Variants in CYBRD1 observed in about 807,000 individuals in gnomAD.
The protein encoded by CYBRD1 is cytochrome b reductase 1.
CYBRD1 carries 14 observed loss-of-function variants against 21.9 expected under a neutral mutation model. The observed-to-expected ratio is 0.64, with a 90% CI of 0.42 to 1.00. CYBRD1 has a LOEUF of 1.00. Ranked by LOEUF, CYBRD1 falls within the 50% of genes least tolerant of loss-of-function variation. CYBRD1 has a pLI of 0.00. For missense variants in CYBRD1, 328 were observed against 352.5 expected (o/e 0.93, Z 0.56); for synonymous variants, 146 against 136.5 (o/e 1.07, Z -0.48).
intron 2 of CYBRD1, among the ~76,000 whole-genome samples, chr2:171,549,844 G>T (rs1697773224): frequency 6.6e-6 from 1 of 152,256 alleles, no homozygotes; most frequent in African/African-American, 2.4e-5. Flanking sequence ...GGGGCACTTT[G>T]TTTGCATATA....
At position 171,554,575 on chromosome 2, in the gene CYBRD1, G is replaced by C. The variant is rs766826566; in HGVS notation, c.609G>C (p.Thr203=). Residue 203 remains threonine (T), a synonymous_variant, in exon 4 of 4, where the codon ACG becomes ACC. Transcript: ENST00000321348. ...CGCCAGAAGGTGTTTTCGTAAATAC[G>C]CTTGGCCTTCTGATCCTGGTGTTCG... is the stretch of plus-strand genomic sequence containing the variant. ...TFPPEGVFVN[T]LGLLILVFGA... 1.9e-6 allele frequency: 3 copies of C among 1,613,892 alleles called. No individual in the cohort carries two copies. The highest frequency in any genetic ancestry group is 2.5e-6 in the Non-Finnish European group (3 of 1,179,904).
intron 1 of CYBRD1, among the ~76,000 whole-genome samples, chr2:171,537,917 CT>C (rs1460827037): frequency 6.6e-6 from 1 of 152,168 alleles, no homozygotes; most frequent in African/African-American, 2.4e-5. Context: ...GATCTGATCA[CT>C]ATACATTGTA....
intron 1 of CYBRD1, among the ~76,000 whole-genome samples, chr2:171,523,909 A>G (rs1189908564): frequency 1.3e-5 from 2 of 152,220 alleles, no homozygotes; most frequent in South Asian, 2.1e-4. Context: ...CGAGAGGAGT[A>G]GCAAGGGTTT....
Position 171,556,789 on chromosome 2 carries a change from G to T in CYBRD1, c.*1962G>T, listed in dbSNP as rs987783022. 11 of 152,200 alleles carry T rather than the reference G, an allele frequency of 7.2e-5. No individual in the cohort carries two copies. Among genetic ancestry groups the T allele is most frequent in the African/African-American group, 2.4e-4 (10 of 41,438 alleles). 9.4% of individuals were successfully genotyped at this position (152,200 alleles called of 1,614,324 possible). On this transcript the variant is annotated 3_prime_UTR_variant, in exon 4 of 4. Coordinates refer to ENST00000321348, the MANE Select transcript of CYBRD1 (RefSeq NM_024843.4). ...CACAATTAAATTCAGTATGGGTGGA[G>T]CATGGTACAGTCTTGGTGCCATAGA...
intron 1 of CYBRD1, chr2:171,523,306 G>T: frequency 2.4e-6 from 1 of 419,912 alleles, no homozygotes; most frequent in African/African-American, 2.1e-5. Context: ...AACATCCTCG[G>T]CCCTGGGTAA....
At position 171,522,630 on chromosome 2, in the gene CYBRD1, G is replaced by T. The variant is rs779171072; in HGVS notation, c.85G>T (p.Val29Phe). The T allele has an allele frequency of 2.4e-5, 39 of 1,613,262 alleles. No homozygotes were observed. Among genetic ancestry groups the T allele is most frequent in the Non-Finnish European group, 3.2e-5 (38 of 1,179,912 alleles). ...VGFLSVIFALVWVLHYREGLG... is the reference protein window; with the variant it reads ...VGFLSVIFALFWVLHYREGLG... ...CTTCCTGTCGGTGATCTTCGCCCTC[G>T]TCTGGGTCCTCCACTACCGAGAGGG... Residue 29 changes from valine (V) to phenylalanine (F), a missense_variant, in exon 1 of 4, where the codon GTC (valine) becomes TTC (phenylalanine). Transcript: ENST00000321348. This position sits in a 1 kb window ranked among gnomAD's most constrained non-coding sequence, Gnocchi z 4.3.
At chr2:171,531,486 C>G (rs1464800289) in intron 1 of CYBRD1, among the ~76,000 whole-genome samples, 1 of 152,048 alleles carries the variant, frequency 6.6e-6, no homozygotes, top group Non-Finnish European at 1.5e-5. Context: ...CTTGCTCTGT[C>G]AGCCAGGCTG....
chr2:171,530,884 G>A (rs1697454750), intron 1 of CYBRD1, among the ~76,000 whole-genome samples: 1 of 151,974 alleles, frequency 6.6e-6, no homozygotes, highest in African/African-American at 2.4e-5. Context: ...TCCTTTTTAA[G>A]AAAGATAGAG....
rs776216750 is a variant in CYBRD1, at chr2:171,522,674, C to G, written c.129C>G (p.Ser43Arg). ...GAGAGGGGCTTGGCTGGGATGGGAG[C>G]GCACTAGAGTTTAACTGGCACCCAG... The part of the protein sequence containing the change: ...HYREGLGWDG[S>R]ALEFNWHPVL... The change falls in exon 1 of 4, where the codon AGC becomes AGG. Residue 43 changes from serine to arginine, a missense_variant. Transcript: ENST00000321348. This position sits in a 1 kb window ranked among gnomAD's most constrained non-coding sequence, Gnocchi z 4.3. 6.2e-7 allele frequency: 1 copy of G among 1,613,284 alleles called. No individual in the cohort carries two copies.
At chr2:171,549,692 T>A (rs1364962345) in intron 2 of CYBRD1, among the ~76,000 whole-genome samples, 1 of 152,260 alleles carries the variant, frequency 6.6e-6, no homozygotes, top group Non-Finnish European at 1.5e-5. Context: ...GATATTTAAT[T>A]TTTAAACATA....
In CYBRD1 at chr2:171,522,645, TA is replaced by T; in HGVS notation, c.101del (p.Tyr34SerfsTer12). On this transcript the variant is annotated frameshift_variant, in exon 1 of 4. Transcript: ENST00000321348. LOFTEE classifies it high-confidence loss of function. This position sits in a 1 kb window ranked among gnomAD's most constrained non-coding sequence, Gnocchi z 4.3. ...VIFALVWVLH[Y>X]REGLGWDGSA... ...CTTCGCCCTCGTCTGGGTCCTCCAC[TA>T]CCGAGAGGGGCTTGGCTGGGATGGG... The T allele has an allele frequency of 6.2e-7, 1 of 1,613,344 alleles. No homozygotes were observed. Among genetic ancestry groups the T allele is most frequent in the East Asian group, 2.2e-5 (1 of 44,858 alleles).
Position 171,529,269 on chromosome 2 carries a change from T to C in CYBRD1, c.193+6531T>C, listed in dbSNP as rs113056488. On this transcript the variant is annotated intron_variant, in intron 1 of 3. Transcript: ENST00000321348. The stretch of plus-strand genomic sequence containing the variant: ...AACTGCTGCCAGGGGCGGTGGCTCA[T>C]GCCTGTAATCCCAGCACTTTGGGAG... Among the ~76,000 whole-genome samples the C allele has an allele frequency of 4.7e-3, 713 of 152,206 alleles. 14 individuals carry two copies. The highest frequency in any genetic ancestry group is 0.015 in the African/African-American group (634 of 41,536).
At chr2:171,547,396 T>C (rs1007399993) in intron 2 of CYBRD1, among the ~76,000 whole-genome samples, 5 of 150,156 alleles carry the variant, frequency 3.3e-5, no homozygotes, top group East Asian at 3.9e-4. Flanking sequence ...AGGGTGACAA[T>C]TGGACAGGGG....
intron 3 of CYBRD1, 109 bp from the exon 4 acceptor site, chr2:171,554,415 G>A: frequency 9.5e-7 from 1 of 1,053,178 alleles, no homozygotes; most frequent in South Asian, 1.6e-5. Context: ...AGCTTTGAGA[G>A]TTTACATTGA....
intron 3 of CYBRD1, among the ~76,000 whole-genome samples, chr2:171,554,027 C>G (rs1683437983): frequency 6.6e-6 from 1 of 152,206 alleles, no homozygotes; most frequent in Non-Finnish European, 1.5e-5. Flanking sequence ...CAAATAGCCC[C>G]TAGAGGTTTC....
chr2:171,543,665 TATTG>T (rs1007631409), intron 2 of CYBRD1, among the ~76,000 whole-genome samples: 3 of 151,600 alleles, frequency 2.0e-5, no homozygotes, highest in East Asian at 1.9e-4. Flanking sequence ...GATGTTTAAA[TATTG>T]ATTAATTAAA....
chr2:171,536,773 T>C lies in CYBRD1; in HGVS notation c.194-4812T>C, dbSNP rs923379571. On this transcript the variant is annotated intron_variant, in intron 1 of 3. Transcript: ENST00000321348. ...TAATATCAGAGATGAGTTTTTATTT[T>C]GGGAATTTTTGATATAATATGATCC... Among the ~76,000 whole-genome samples the C allele has an allele frequency of 3.9e-5, 6 of 152,324 alleles. No homozygotes were observed. In the East Asian group the frequency reaches 1.2e-3, roughly 29 times the overall value.
chr2:171,529,240 G>A (rs774687427), intron 1 of CYBRD1, among the ~76,000 whole-genome samples: 3 of 151,914 alleles, frequency 2.0e-5, no homozygotes, highest in Admixed American at 2.0e-4. Flanking sequence ...ATTCAGACAC[G>A]AGAAACTGCT....
At chr2:171,526,821 T>C (rs938147349) in intron 1 of CYBRD1, among the ~76,000 whole-genome samples, 2 of 152,212 alleles carry the variant, frequency 1.3e-5, no homozygotes, top group African/African-American at 4.8e-5. Context: ...CGAAAAGAAG[T>C]CTTGGCAATT....
Sources: gnomAD v4.1 joint callset for allele counts (sites outside exome capture counted in the v4.1 genomes callset) on GRCh38, gnomAD v4.1.1 for gene constraint, Gnocchi (gnomAD v3.1) non-coding constraint, MANE v1.5 for transcripts, NCBI Gene and HGNC (gene_info 2026-07-23, HGNC 2026-07-21) for gene names.